OTUD4: variants seen among roughly 807,000 people sequenced by gnomAD.
The protein encoded by OTUD4 is OTU deubiquitinase 4, also known as OTU domain-containing protein 4.
In OTUD4, 24 loss-of-function variants were observed where a neutral mutation model predicts 130.4. The ratio of observed to expected loss-of-function variants is 0.18; its 90% CI spans 0.13 to 0.26. The LOEUF (loss-of-function observed/expected upper bound fraction) is 0.26, where lower values mean the gene tolerates loss of function less well. Ranked by LOEUF, OTUD4 falls within the 10% of genes least tolerant of loss-of-function variation. The probability of loss-of-function intolerance (pLI) is 1.00; values close to 1 mark genes in which losing one functional copy is unlikely to be tolerated. For missense variants in OTUD4, 1,031 were observed against 1,329.4 expected, an observed-to-expected ratio of 0.78 and a Z score of 3.49; for synonymous variants, 420 against 472.5, an observed-to-expected ratio of 0.89 and a Z score of 1.44.
At chr4:145,168,945 T>C (rs186284500) in intron 3 of OTUD4, among the ~76,000 whole-genome samples, 26 of 152,362 alleles carry the variant, frequency 1.7e-4, no homozygotes, top group African/African-American at 5.8e-4. Context: ...GATAGATACA[T>C]ACACAGATTA....
intron 7 of OTUD4, 146 bp downstream of exon 7, chr4:145,159,357 A>T: frequency 6.6e-7 from 1 of 1,505,342 alleles, no homozygotes; most frequent in Non-Finnish European, 8.8e-7. Flanking sequence ...GACAGGGATA[A>T]AGAAACTTCA....
intron 13 of OTUD4, among the ~76,000 whole-genome samples, chr4:145,146,662 C>G (rs36226324): frequency 2.6e-5 from 4 of 151,900 alleles, no homozygotes; most frequent in Non-Finnish European, 5.9e-5. Context: ...ATTAGCCTAC[C>G]TTACAGAGAG....
At chr4:145,144,155 T>C (rs1750713193) in intron 15 of OTUD4, among the ~76,000 whole-genome samples, 154 bp from the exon 16 acceptor site, 1 of 152,216 alleles carries the variant, frequency 6.6e-6, no homozygotes, top group Admixed American at 6.5e-5. Context: ...TTAACATCCT[T>C]TAGCTTGAGT....
rs1199825562 is a variant in OTUD4, at chr4:145,164,213, T to C, written c.355A>G (p.Ile119Val). The change falls in exon 5 of 21, where the codon ATT becomes GTT. Residue 119 changes from isoleucine (I) to valine (V), a missense_variant. Around this residue, in one of 3 missense-constraint regions of OTUD4, gnomAD observed 77 missense variants for 172.9 expected, o/e 0.45. Transcript: ENST00000447906. The part of the protein sequence containing the change: ...LSLMYRKDFI[I>V]YREPNVSPSQ... ...GGAGAAACATTTGGTTCCCGATAAATTATAAAATCTTTCCTGAAAATAACA... is the reference window on the plus strand; with the variant it reads ...GGAGAAACATTTGGTTCCCGATAAACTATAAAATCTTTCCTGAAAATAACA... The C allele has an allele frequency of 2.2e-5, 29 of 1,339,512 alleles. No homozygotes were observed. Among genetic ancestry groups the C allele is most frequent in the Non-Finnish European group, 2.8e-5 (27 of 957,064 alleles). The allele number at this position is 1,339,512 out of a possible 1,614,324, so 83.0% of individuals were successfully genotyped here.
chr4:145,142,655 G>A (rs986525754), intron 17 of OTUD4, among the ~76,000 whole-genome samples: 7 of 152,324 alleles, frequency 4.6e-5, no homozygotes, highest in African/African-American at 1.7e-4. Context: ...CCAAGGTGCT[G>A]GAATTACAGG....
intron 2 of OTUD4, 57 bp from the exon 3 acceptor site, chr4:145,171,777 C>T: frequency 2.5e-6 from 2 of 811,650 alleles, no homozygotes; most frequent in Admixed American, 3.8e-5. Flanking sequence ...AAACAGTTAA[C>T]CGCTTCGCTG....
At chr4:145,165,787 C>T (rs975580447) in intron 3 of OTUD4, among the ~76,000 whole-genome samples, 3 of 152,030 alleles carry the variant, frequency 2.0e-5, no homozygotes, top group Admixed American at 6.6e-5. Context: ...AAGTTGAGAA[C>T]GTATTGAAGG....
chr4:145,153,809 T>C (rs1483395345), intron 10 of OTUD4, among the ~76,000 whole-genome samples: 1 of 152,194 alleles, frequency 6.6e-6, no homozygotes, highest in East Asian at 1.9e-4. Context: ...TCAATGACAA[T>C]AAAGACATTT....
intron 10 of OTUD4, among the ~76,000 whole-genome samples, chr4:145,154,596 C>T (rs1207214605): frequency 6.6e-6 from 1 of 152,068 alleles, no homozygotes; most frequent in African/African-American, 2.4e-5. Flanking sequence ...TATTTTTCCA[C>T]AAATGAAGAA....
At chr4:145,140,662 T>G (rs966510392) in intron 19 of OTUD4, among the ~76,000 whole-genome samples, 3 of 152,180 alleles carry the variant, frequency 2.0e-5, no homozygotes, top group African/African-American at 7.2e-5. Flanking sequence ...TAACAGCCAC[T>G]ACATACTATA....
At chr4:145,168,431 A>T (rs965446853) in intron 3 of OTUD4, among the ~76,000 whole-genome samples, 3 of 146,566 alleles carry the variant, frequency 2.0e-5, no homozygotes, top group African/African-American at 7.3e-5. Flanking sequence ...AAAAAAAAGA[A>T]AATGGAAAGC....
chr4:145,141,772 G>A, intron 18 of OTUD4, 133 bp from the exon 19 acceptor site: 1 of 705,002 alleles, frequency 1.4e-6, no homozygotes, highest in Non-Finnish European at 2.2e-6. Flanking sequence ...TATCAACCAA[G>A]AGCCCTCCTG....
chr4:145,142,357 G>A (rs1416924564), intron 17 of OTUD4, 23 bp from the exon 18 acceptor site: 2 of 1,607,950 alleles, frequency 1.2e-6, no homozygotes, highest in Non-Finnish European at 1.7e-6. Context: ...GGTGAGTGGG[G>A]GAAGACAGAA....
At chr4:145,146,198 G>T in intron 14 of OTUD4, 69 bp downstream of exon 14, 1 of 1,010,732 alleles carries the variant, frequency 9.9e-7, no homozygotes, top group Non-Finnish European at 1.4e-6. Context: ...GGGAACTATG[G>T]CTTAATCTAA....
intron 13 of OTUD4, among the ~76,000 whole-genome samples, chr4:145,148,256 T>C (rs1452069159): frequency 6.6e-6 from 1 of 152,170 alleles, no homozygotes; most frequent in Non-Finnish European, 1.5e-5. Context: ...TCCCAGCACT[T>C]TGCAAGGCAG....
intron 3 of OTUD4, among the ~76,000 whole-genome samples, chr4:145,170,581 T>C (rs571825804): frequency 2.6e-5 from 4 of 152,330 alleles, no homozygotes; most frequent in South Asian, 4.1e-4. Flanking sequence ...CTAGCTTGTA[T>C]TGACCTTCTT....
At chr4:145,144,513 A>C in intron 14 of OTUD4, 79 bp from the exon 15 acceptor site, 26 of 1,322,558 alleles carry the variant, frequency 2.0e-5, no homozygotes, top group Non-Finnish European at 2.6e-5. Flanking sequence ...AATTAATCTC[A>C]CTCTTCATAC....
chr4:145,179,370 A>T (rs1359156776), intron 1 of OTUD4, among the ~76,000 whole-genome samples: 1 of 152,198 alleles, frequency 6.6e-6, no homozygotes, highest in Non-Finnish European at 1.5e-5. Context: ...CCAGCAGCAA[A>T]CCAAAATATG....
chr4:145,170,936 A>C (rs1340558112), intron 3 of OTUD4: 2 of 152,202 alleles, frequency 1.3e-5, no homozygotes. Flanking sequence ...GTTGGTGAGT[A>C]AGTGCTATCC....
Sources: allele counts gnomAD v4.1 joint callset (sites outside exome capture counted in the v4.1 genomes callset), GRCh38; gene constraint gnomAD v4.1.1; regional missense constraint gnomAD v4.1.1; transcripts MANE v1.5; gene names NCBI Gene and HGNC (gene_info 2026-07-23, HGNC 2026-07-21).